Variants in RYR2 observed in about 807,000 individuals in gnomAD.
RYR2 encodes the protein cardiac muscle ryanodine receptor-calcium release channel.
Under a neutral mutation model 601.1 loss-of-function variants are expected in RYR2, and 227 were observed. The ratio of observed to expected loss-of-function variants is 0.38; its 90% CI spans 0.34 to 0.42. The LOEUF is 0.42. Among genes scored for constraint, RYR2 ranks in the 10% least tolerant of loss-of-function variants. RYR2 has a pLI of 1.00. For synonymous variants in RYR2, 2,223 were observed against 2,175.1 expected, an observed-to-expected ratio of 1.02 and a Z score of -0.61; for missense variants, 4,646 against 6,156.5, an observed-to-expected ratio of 0.75 and a Z score of 8.21.
At chr1:237,215,632 C>T (rs1683070540) in intron 1 of RYR2, among the ~76,000 whole-genome samples, 1 of 151,954 alleles carries the variant, frequency 6.6e-6, no homozygotes, top group Non-Finnish European at 1.5e-5. Context: ...GTTTTGAAGA[C>T]CAGCAGAAAA....
At chr1:237,330,635 A>G (rs558615492) in intron 2 of RYR2, among the ~76,000 whole-genome samples, 155 of 152,178 alleles carry the variant, frequency 1.0e-3, no homozygotes, top group Non-Finnish European at 1.6e-3. Context: ...TGATCCGCCC[A>G]CCTCGGCCTC....
chr1:237,230,748 G>A (rs1005442063), intron 1 of RYR2, among the ~76,000 whole-genome samples: 2 of 152,040 alleles, frequency 1.3e-5, no homozygotes, highest in Non-Finnish European at 2.9e-5. Context: ...GCAAAAACCC[G>A]TCTAAAAACC....
At chr1:237,605,278 T>C (rs1384125155) in intron 35 of RYR2, among the ~76,000 whole-genome samples, 3 of 152,040 alleles carry the variant, frequency 2.0e-5, no homozygotes, top group Non-Finnish European at 4.4e-5. Flanking sequence ...ATACACAAAT[T>C]AATAAACGTA....
intron 63 of RYR2, among the ~76,000 whole-genome samples, chr1:237,692,560 T>A (rs61832682): frequency 0.24 from 36,551 of 152,032 alleles, 5,297 homozygotes; most frequent in Middle Eastern, 0.49. Flanking sequence ...CCCAGCCCAG[T>A]CTCTCCTCCT....
rs1251442610 is a variant in RYR2, at chr1:237,500,867, T to G, written c.2360T>G (p.Leu787Arg). Reference sequence around the variant, plus strand: ...TTTGAGAATTTCAACATCGATGGCCTCTTCTTTCCAGTCGTTAGTTTCTCT... The same window carrying G: ...TTTGAGAATTTCAACATCGATGGCCGCTTCTTTCCAGTCGTTAGTTTCTCT... ...GMFENFNIDG[L>R]FFPVVSFSAG... is the part of the protein sequence containing the mutation. Residue 787 changes from leucine (L) to arginine (R), a missense_variant, in exon 21 of 105, where the codon CTC (leucine) becomes CGC (arginine). By Grantham distance (102) the Leu-to-Arg change is moderately radical (BLOSUM62 -2). Transcript: ENST00000366574. The G allele has an allele frequency of 1.8e-5, 29 of 1,613,954 alleles. No individual in the cohort carries two copies. The highest frequency in any genetic ancestry group is 2.4e-5 in the Non-Finnish European group (28 of 1,179,912).
chr1:237,127,976 A>G (rs1445196697), intron 1 of RYR2, among the ~76,000 whole-genome samples: 17 of 152,192 alleles, frequency 1.1e-4, no homozygotes, highest in African/African-American at 3.9e-4. Context: ...CACTTCCCAG[A>G]TGGGGTGGCG....
intron 1 of RYR2, among the ~76,000 whole-genome samples, chr1:237,138,751 A>G (rs1320627655): frequency 2.6e-5 from 4 of 152,228 alleles, no homozygotes; most frequent in African/African-American, 7.2e-5. Flanking sequence ...TTCTACTTTA[A>G]AAGTATGTAA....
intron 8 of RYR2, among the ~76,000 whole-genome samples, chr1:237,383,741 T>A (rs1701759224): frequency 6.6e-6 from 1 of 152,126 alleles, no homozygotes. Context: ...TCAATCTACA[T>A]GTTTAAATAC....
In RYR2 at chr1:237,610,547, G is replaced by A. The variant is rs142935634; in HGVS notation, c.4684-215G>A. On this transcript the variant is annotated intron_variant, in intron 35 of 104. Coordinates refer to ENST00000366574, the MANE Select transcript of RYR2 (RefSeq NM_001035.3). The surrounding 1 kb of genome is among the most constrained non-coding windows in gnomAD (Gnocchi z 4.9). Reference sequence around the variant, plus strand: ...CATCCCGAAACCTGTTTGACTGCCCGGAAGGTGTAGGTATTCTCTCTCATA... The same window carrying A: ...CATCCCGAAACCTGTTTGACTGCCCAGAAGGTGTAGGTATTCTCTCTCATA... Among the ~76,000 whole-genome samples, 1,079 of 152,232 alleles carry A rather than the reference G, an allele frequency of 7.1e-3. 11 individuals carry two copies. The highest frequency in any genetic ancestry group is 0.023 in the African/African-American group (971 of 41,528).
chr1:237,176,256 T>A (rs1483210837), intron 1 of RYR2, among the ~76,000 whole-genome samples: 15 of 117,184 alleles, frequency 1.3e-4, no homozygotes, highest in Middle Eastern at 4.0e-3. Context: ...AAAATATATA[T>A]ATATATATAA....
intron 25 of RYR2, among the ~76,000 whole-genome samples, chr1:237,538,310 G>A (rs999896157): frequency 6.0e-5 from 8 of 134,360 alleles, no homozygotes; most frequent in African/African-American, 2.2e-4. Flanking sequence ...CAGGAGAATT[G>A]CTTGAACCCA....
At chr1:237,057,812 T>C (rs901852199) in intron 1 of RYR2, among the ~76,000 whole-genome samples, 14 of 152,180 alleles carry the variant, frequency 9.2e-5, no homozygotes, top group African/African-American at 3.4e-4. Flanking sequence ...ACATCACCAT[T>C]GTTGGGCACA....
chr1:237,395,278 C>T (rs1356759900), intron 10 of RYR2, among the ~76,000 whole-genome samples: 1 of 152,178 alleles, frequency 6.6e-6, no homozygotes, highest in African/African-American at 2.4e-5. Context: ...GAAAGATCAG[C>T]CAAGTCTTTG....
At chr1:237,685,638 A>G (rs1686317820) in intron 62 of RYR2, among the ~76,000 whole-genome samples, 1 of 152,210 alleles carries the variant, frequency 6.6e-6, no homozygotes, top group Admixed American at 6.5e-5. Flanking sequence ...TCTAAACTGA[A>G]TTATTCTCTT....
At chr1:237,497,241 G>GT (rs1357624233) in intron 20 of RYR2, among the ~76,000 whole-genome samples, 3 of 152,196 alleles carry the variant, frequency 2.0e-5, no homozygotes, top group Non-Finnish European at 2.9e-5. Flanking sequence ...TTTGTAAAGT[G>GT]TGGTATGAGG....
chr1:237,258,060 C>T (rs1327653607), intron 1 of RYR2, among the ~76,000 whole-genome samples: 5 of 150,286 alleles, frequency 3.3e-5, no homozygotes, highest in East Asian at 2.0e-4. Context: ...CCCAGCTACT[C>T]GAGAGGCTGA....
At chr1:237,818,598 G>T (rs746018403) in intron 100 of RYR2, among the ~76,000 whole-genome samples, 3 of 151,972 alleles carry the variant, frequency 2.0e-5, no homozygotes, top group Admixed American at 1.3e-4. Flanking sequence ...GTGTTAGTAT[G>T]TTTTCTTCTA....
chr1:237,502,824 A>C (rs1436465473), intron 21 of RYR2, among the ~76,000 whole-genome samples: 1 of 151,770 alleles, frequency 6.6e-6, no homozygotes, highest in African/African-American at 2.4e-5. Context: ...AGAAAGTGAA[A>C]AAAGAATCTA....
chr1:237,738,061 A>G (rs1432647378), intron 79 of RYR2, among the ~76,000 whole-genome samples: 3 of 152,032 alleles, frequency 2.0e-5, no homozygotes, highest in Non-Finnish European at 2.9e-5. Context: ...CTTGGCCTTC[A>G]TGGTTTCTCG....
Sources: allele counts gnomAD v4.1 joint callset (sites outside exome capture counted in the v4.1 genomes callset), GRCh38; gene constraint gnomAD v4.1.1; non-coding constraint Gnocchi (gnomAD v3.1); transcripts MANE v1.5; gene names NCBI Gene and HGNC (gene_info 2026-07-23, HGNC 2026-07-21).